DNAAF9: variants seen among roughly 807,000 people sequenced by gnomAD.
DNAAF9 encodes dynein axonemal assembly factor 9, also known as shulin.
Under a neutral mutation model 167.0 loss-of-function variants are expected in DNAAF9, and 90 were observed. That is an observed-to-expected ratio of 0.54 (90% CI 0.45 to 0.64). The LOEUF (loss-of-function observed/expected upper bound fraction) is 0.64. DNAAF9 is among the 30% of genes least tolerant of loss of function. The pLI is 0.00. For synonymous variants in DNAAF9, 491 were observed against 508.8 expected (o/e 0.96, Z 0.47); for missense variants, 1,315 against 1,442.2 (o/e 0.91, Z 1.43).
chr20:3,286,883 TAAC>T (rs1045917819), intron 27 of DNAAF9, among the ~76,000 whole-genome samples: 8 of 152,142 alleles, frequency 5.3e-5, no homozygotes, highest in Non-Finnish European at 1.0e-4. Context: ...CCACCAACCA[TAAC>T]AACATTAGTG....
At chr20:3,346,785 C>A (rs1202765473) in intron 8 of DNAAF9, among the ~76,000 whole-genome samples, 1 of 152,076 alleles carries the variant, frequency 6.6e-6, no homozygotes, top group Non-Finnish European at 1.5e-5. Context: ...TCTGAGTATA[C>A]CTTGTGGAAT....
intron 1 of DNAAF9, among the ~76,000 whole-genome samples, chr20:3,398,217 C>T (rs1468808322): frequency 6.6e-6 from 1 of 152,134 alleles, no homozygotes; most frequent in Non-Finnish European, 1.5e-5. Flanking sequence ...TAGGAGAATG[C>T]GCAACCAGGT....
intron 22 of DNAAF9, 45 bp from the exon 23 acceptor site, chr20:3,296,994 A>C: frequency 9.1e-7 from 1 of 1,104,948 alleles, no homozygotes; most frequent in Non-Finnish European, 1.4e-6. Flanking sequence ...AAACCCAACA[A>C]CAGGATATGG....
At chr20:3,272,347 C>T (rs953763197) in intron 29 of DNAAF9, among the ~76,000 whole-genome samples, 13 of 152,156 alleles carry the variant, frequency 8.5e-5, no homozygotes, top group Non-Finnish European at 1.6e-4. Context: ...GCCTCAGCCT[C>T]CTGTGTAGCT....
intron 10 of DNAAF9, among the ~76,000 whole-genome samples, chr20:3,340,030 T>C (rs1348995374): frequency 6.6e-6 from 1 of 152,252 alleles, no homozygotes; most frequent in Non-Finnish European, 1.5e-5. Flanking sequence ...AGGTCTAATG[T>C]TTTCTTTAAA....
chr20:3,263,556 A>C (rs980211383), intron 31 of DNAAF9, among the ~76,000 whole-genome samples: 2 of 152,172 alleles, frequency 1.3e-5, no homozygotes, highest in African/African-American at 4.8e-5. Context: ...CTAAGCTATA[A>C]ATTGTCAAGT....
chr20:3,307,186 A>C, intron 20 of DNAAF9: 1 of 982,182 alleles, frequency 1.0e-6, no homozygotes, highest in South Asian at 4.7e-5. Flanking sequence ...TAGACTCTGA[A>C]GCCTCAAAAC....
At position 3,347,751 on chromosome 20, in the gene DNAAF9, A is replaced by G. The variant is rs181071638; in HGVS notation, c.789+774T>C. 3.2e-3 allele frequency among the ~76,000 whole-genome samples: 485 copies of G among 152,162 alleles called. 2 individuals carry two copies. The highest frequency in any genetic ancestry group is 0.011 in the African/African-American group (454 of 41,506). On this transcript the variant is annotated intron_variant, in intron 8 of 36. Coordinates refer to ENST00000252032, the MANE Select transcript of DNAAF9 (RefSeq NM_001009984.3). Reference sequence around the variant, plus strand: ...CAGCCTGGTCAACATGGTAAAACCCATCTCTACTAAAAATACAAAAATTAG... The same window carrying G: ...CAGCCTGGTCAACATGGTAAAACCCGTCTCTACTAAAAATACAAAAATTAG...
At chr20:3,337,538 T>C (rs2069987591) in intron 10 of DNAAF9, among the ~76,000 whole-genome samples, 1 of 151,856 alleles carries the variant, frequency 6.6e-6, no homozygotes. Context: ...TTTATGATGG[T>C]TGCTCTAAAA....
intron 1 of DNAAF9, 94 bp downstream of exon 1, chr20:3,407,380 AT>A: frequency 9.6e-7 from 1 of 1,039,296 alleles, no homozygotes; most frequent in Non-Finnish European, 1.2e-6. Context: ...CGAGGAAGCC[AT>A]GTCGGACCAC....
intron 10 of DNAAF9, among the ~76,000 whole-genome samples, chr20:3,333,198 C>T (rs796726924): frequency 3.9e-5 from 6 of 152,166 alleles, no homozygotes; most frequent in African/African-American, 1.2e-4. Context: ...ATAGACCCTG[C>T]GGAAGAGAAA....
rs867653819 is a variant in DNAAF9 at position 3,253,702 on chromosome 20, G to A, written c.3421+24C>T. On this transcript the variant is annotated intron_variant, in intron 36 of 36. Coordinates refer to ENST00000252032, the MANE Select transcript of DNAAF9 (RefSeq NM_001009984.3). ...AGCCTCACTGCCCGGGTTCCACACA[G>A]GGACCACGCTGTTCCAAGGATACGT... The A allele has an allele frequency of 5.6e-6, 8 of 1,428,958 alleles. No homozygotes were observed. The Middle Eastern group carries it at 1.0e-3, about 187-fold the overall frequency. The allele number at this position is 1,428,958 out of a possible 1,614,324, so 88.5% of individuals were successfully genotyped here.
At chr20:3,373,180 C>G (rs367875223) in intron 6 of DNAAF9, among the ~76,000 whole-genome samples, 5 of 152,340 alleles carry the variant, frequency 3.3e-5, no homozygotes, top group African/African-American at 1.2e-4. Context: ...GATAGTTCTC[C>G]CAGGCAAGCC....
intron 1 of DNAAF9, among the ~76,000 whole-genome samples, chr20:3,387,978 A>T (rs987039290): frequency 6.7e-6 from 1 of 149,698 alleles, no homozygotes; most frequent in Admixed American, 6.7e-5. Flanking sequence ...AGGTAAGAGG[A>T]TCATCTGAGC....
At chr20:3,348,970 A>G (rs950879456) in intron 7 of DNAAF9, among the ~76,000 whole-genome samples, 2 of 152,084 alleles carry the variant, frequency 1.3e-5, no homozygotes, top group Non-Finnish European at 2.9e-5. Context: ...GGCGATGAAA[A>G]TGTTCTCTGT....
intron 7 of DNAAF9, among the ~76,000 whole-genome samples, chr20:3,358,049 T>C (rs151184110): frequency 6.6e-6 from 1 of 152,000 alleles, no homozygotes; most frequent in South Asian, 2.1e-4. Flanking sequence ...AAAATAAAAT[T>C]TGGGTGTTAT....
intron 10 of DNAAF9, among the ~76,000 whole-genome samples, chr20:3,336,005 C>A (rs1489608016): frequency 6.6e-6 from 1 of 151,958 alleles, no homozygotes; most frequent in Non-Finnish European, 1.5e-5. Flanking sequence ...CACTTGTAGT[C>A]CCAGCTACTT....
intron 1 of DNAAF9, among the ~76,000 whole-genome samples, chr20:3,390,146 T>G (rs1018810865): frequency 6.6e-6 from 1 of 152,204 alleles, no homozygotes; most frequent in Non-Finnish European, 1.5e-5. Flanking sequence ...TTCTTAGGTA[T>G]GGCAATGTTA....
chr20:3,263,131 C>T (rs1568564259), intron 31 of DNAAF9, among the ~76,000 whole-genome samples: 1 of 152,082 alleles, frequency 6.6e-6, no homozygotes, highest in Admixed American at 6.6e-5. Flanking sequence ...TCCACCACCA[C>T]ACCTGGCTAA....
Sources: gnomAD v4.1 joint callset for allele counts (sites outside exome capture counted in the v4.1 genomes callset) on GRCh38, gnomAD v4.1.1 for gene constraint, MANE v1.5 for transcripts, NCBI Gene and HGNC (gene_info 2026-07-23, HGNC 2026-07-21) for gene names.